The following ACOT7 variants were observed in gnomAD, a reference collection of about 807,000 sequenced individuals.
ACOT7 encodes the protein cytosolic acyl coenzyme A thioester hydrolase.
In ACOT7, 12 loss-of-function variants were observed where a neutral mutation model predicts 40.2. The ratio of observed to expected loss-of-function variants is 0.30; its 90% CI spans 0.19 to 0.48. The LOEUF (loss-of-function observed/expected upper bound fraction) is 0.48, where lower values mean the gene tolerates loss of function less well. Among genes scored for constraint, ACOT7 ranks in the 20% least tolerant of loss-of-function variants. The pLI is 0.99. For missense variants in ACOT7, 395 were observed against 530.8 expected (o/e 0.74, Z 2.51); for synonymous variants, 228 against 219.5 (o/e 1.04, Z -0.34).
Position 6,329,373 on chromosome 1 carries a change from A to G in ACOT7, c.511-1960T>C, listed in dbSNP as rs183247508. On this transcript the variant is annotated intron_variant, in intron 4 of 8. Transcript: ENST00000361521. ...CAACCTTTTCCTCCATAAATAAACC[A>G]CGTCCTAATGTTCCACCGGCCAAGT... Among the ~76,000 whole-genome samples the G allele has an allele frequency of 1.6e-3, 251 of 152,212 alleles. 1 individual carries two copies. The highest frequency in any genetic ancestry group is 5.6e-3 in the African/African-American group (231 of 41,538).
intron 1 of ACOT7, among the ~76,000 whole-genome samples, chr1:6,375,526 C>T (rs1343757587): frequency 2.0e-5 from 3 of 151,984 alleles, no homozygotes; most frequent in African/African-American, 4.8e-5. Flanking sequence ...TGGCACATGC[C>T]TGCAATCCCT....
rs527857459 is a variant in ACOT7, at chr1:6,331,620, C to T, written c.510+1857G>A. 2.0e-4 allele frequency among the ~76,000 whole-genome samples: 31 copies of T among 152,358 alleles called. No individual in the cohort carries two copies. The South Asian group carries it at 3.7e-3, about 18-fold the overall frequency. Reference sequence around the variant, plus strand: ...ATATGAGACCTCGGACTCCACACCCCGACCCTGAGCCCCCGCCCACTGGCC... The same window carrying T: ...ATATGAGACCTCGGACTCCACACCCTGACCCTGAGCCCCCGCCCACTGGCC... On this transcript the variant is annotated intron_variant, in intron 4 of 8. Transcript: ENST00000361521.
chr1:6,308,023 C>T (rs1215801327), intron 6 of ACOT7, among the ~76,000 whole-genome samples: 2 of 149,568 alleles, frequency 1.3e-5, no homozygotes, highest in African/African-American at 5.0e-5. Flanking sequence ...GAACTACAAC[C>T]AGGCAGAGGG....
At chr1:6,317,141 CAAG>C (rs1169875418) in intron 6 of ACOT7, among the ~76,000 whole-genome samples, 1 of 152,164 alleles carries the variant, frequency 6.6e-6, no homozygotes, top group Non-Finnish European at 1.5e-5. Flanking sequence ...CTCAGTACAC[CAAG>C]AACAGCTGCA....
intron 5 of ACOT7, among the ~76,000 whole-genome samples, chr1:6,320,994 G>A (rs1640629916): frequency 1.3e-5 from 2 of 152,204 alleles, no homozygotes; most frequent in East Asian, 3.9e-4. Context: ...CACTCATTCA[G>A]GAAAGGAAAG....
chr1:6,335,327 C>CAAAAAAA (rs58439931), intron 3 of ACOT7, among the ~76,000 whole-genome samples: 1 of 58,348 alleles, frequency 1.7e-5, no homozygotes, highest in East Asian at 5.1e-4. Flanking sequence ...AACTCTGCCT[C>CAAAAAAA]AAAAAAAAAA....
intron 1 of ACOT7, among the ~76,000 whole-genome samples, chr1:6,390,423 T>G (rs1642514469): frequency 6.7e-6 from 1 of 149,534 alleles, no homozygotes; most frequent in Non-Finnish European, 1.5e-5. Flanking sequence ...AATACAAAAA[T>G]TAGCTGGGCA....
intron 6 of ACOT7, among the ~76,000 whole-genome samples, chr1:6,317,645 G>C (rs1388874679): frequency 1.3e-5 from 2 of 152,148 alleles, no homozygotes; most frequent in African/African-American, 4.8e-5. Flanking sequence ...ATCAGATCCC[G>C]GGGCTGCATG....
intron 5 of ACOT7, among the ~76,000 whole-genome samples, chr1:6,326,298 T>C (rs1167525642): frequency 6.6e-6 from 1 of 152,192 alleles, no homozygotes; most frequent in Non-Finnish European, 1.5e-5. Flanking sequence ...GGGGGACAGA[T>C]GCTCCCCAGG....
Position 6,330,452 on chromosome 1 carries a change from A to G in ACOT7, c.510+3025T>C, listed in dbSNP as rs1640924732. ...AAGATGGTGCAAAGAGCTCTGAACA[A>G]CAGCTGCAGCTGAGAACCGTGCAGC... On this transcript the variant is annotated intron_variant, in intron 4 of 8. Transcript: ENST00000361521. This position sits in a 1 kb window ranked among gnomAD's most constrained non-coding sequence, Gnocchi z 4.6. Among the ~76,000 whole-genome samples the G allele has an allele frequency of 1.3e-5, 2 of 152,178 alleles. No individual in the cohort carries two copies. Among genetic ancestry groups the G allele is most frequent in the African/African-American group, 4.8e-5 (2 of 41,448 alleles).
chr1:6,349,035 G>A (rs1641513825), intron 2 of ACOT7, among the ~76,000 whole-genome samples: 1 of 152,200 alleles, frequency 6.6e-6, no homozygotes, highest in Non-Finnish European at 1.5e-5. Context: ...GCGGCACCAA[G>A]GCAGACGCCC....
intron 1 of ACOT7, among the ~76,000 whole-genome samples, chr1:6,379,358 G>C (rs1457914566): frequency 1.3e-5 from 2 of 151,918 alleles, no homozygotes; most frequent in African/African-American, 2.4e-5. Flanking sequence ...CTATAAAGAG[G>C]TGTGTCCACA....
In ACOT7 at chr1:6,358,930, G is replaced by A. The variant is rs561862868; in HGVS notation, c.144-9064C>T. On this transcript the variant is annotated intron_variant, in intron 1 of 8. Transcript: ENST00000361521. This position sits in a 1 kb window ranked among gnomAD's most constrained non-coding sequence, Gnocchi z 4.1. ...CAGAGTCCTTGCCTGACCCAGGACTGTCCCAGCTCCCTGCCACACCGGGCT... is the reference window on the plus strand; with the variant it reads ...CAGAGTCCTTGCCTGACCCAGGACTATCCCAGCTCCCTGCCACACCGGGCT... The A allele has an allele frequency of 1.3e-6, 2 of 1,563,908 alleles. No homozygotes were observed. The highest frequency in any genetic ancestry group is 1.7e-4 in the Middle Eastern group (1 of 5,948).
chr1:6,306,295 G>A lies in ACOT7; in HGVS notation c.713-11315C>T. 1 of 985,272 alleles carries A rather than the reference G, an allele frequency of 1.0e-6. No individual in the cohort carries two copies. The highest frequency in any genetic ancestry group is 1.2e-6 in the Non-Finnish European group (1 of 829,918). 61.0% of individuals were successfully genotyped at this position (985,272 alleles called of 1,614,324 possible). The stretch of plus-strand genomic sequence containing the variant: ...AAATACTCCATATTTCTGGAAAGGG[G>A]TCAGTGCCCCATGATTTGAGAGGGA... On this transcript the variant is annotated intron_variant, in intron 6 of 8. Transcript: ENST00000361521. The surrounding 1 kb of genome is among the most constrained non-coding windows in gnomAD (Gnocchi z 4.3).
rs1021232393 is a variant in ACOT7, at chr1:6,301,054, C to G, written c.713-6074G>C. ...GTGACATCGAGTCCAGAGTGGAATT[C>G]TTCCCAAGATGATTGCAGGAAGGAG... On this transcript the variant is annotated intron_variant, in intron 6 of 8. Coordinates refer to ENST00000361521, the MANE Select transcript of ACOT7 (RefSeq NM_007274.4). This position sits in a 1 kb window ranked among gnomAD's most constrained non-coding sequence, Gnocchi z 4.1. 6.6e-6 allele frequency among the ~76,000 whole-genome samples: 1 copy of G among 152,194 alleles called. No individual in the cohort carries two copies. The highest frequency in any genetic ancestry group is 1.5e-5 in the Non-Finnish European group (1 of 68,038).
Position 6,358,322 on chromosome 1 carries a change from C to CG in ACOT7, c.144-8457dup, listed in dbSNP as rs1641805416. Among the ~76,000 whole-genome samples the CG allele has an allele frequency of 6.6e-6, 1 of 152,054 alleles. No individual in the cohort carries two copies. Among genetic ancestry groups the CG allele is most frequent in the South Asian group, 2.1e-4 (1 of 4,828 alleles). Reference sequence around the variant, plus strand: ...AGCACTTGCAGGCCCCCAAGCAGGACGGGGGAAGAGGCCAACAATGGCCCT... The same window carrying CG: ...AGCACTTGCAGGCCCCCAAGCAGGACGGGGGGAAGAGGCCAACAATGGCCCT... On this transcript the variant is annotated intron_variant, in intron 1 of 8. Coordinates refer to ENST00000361521, the MANE Select transcript of ACOT7 (RefSeq NM_007274.4). The surrounding 1 kb of genome is among the most constrained non-coding windows in gnomAD (Gnocchi z 4.1).
chr1:6,331,787 G>A (rs1281915275), intron 4 of ACOT7, among the ~76,000 whole-genome samples: 5 of 152,212 alleles, frequency 3.3e-5, no homozygotes, highest in African/African-American at 7.2e-5. Context: ...AGCTGGACCC[G>A]GCAGCCAGCC....
rs1194347048 is a variant in ACOT7 at position 6,359,697 on chromosome 1, G to C, written c.144-9831C>G. On this transcript the variant is annotated intron_variant, in intron 1 of 8. Transcript: ENST00000361521. This position sits in a 1 kb window ranked among gnomAD's most constrained non-coding sequence, Gnocchi z 4.1. ...CAGGGTGCAGGCTACAGGAGGCCCA[G>C]TGCAGGAGGCGGGATGTGTTATCAC... Among the ~76,000 whole-genome samples the C allele has an allele frequency of 2.0e-5, 3 of 152,240 alleles. No individual in the cohort carries two copies. Among genetic ancestry groups the C allele is most frequent in the Admixed American group, 2.0e-4 (3 of 15,278 alleles).
At chr1:6,344,722 C>T (rs1370256294) in intron 2 of ACOT7, among the ~76,000 whole-genome samples, 8 of 144,108 alleles carry the variant, frequency 5.6e-5, no homozygotes, top group African/African-American at 1.8e-4. Context: ...TGAGACCGCA[C>T]CATTGCACCC....
Sources: allele counts gnomAD v4.1 joint callset (sites outside exome capture counted in the v4.1 genomes callset), GRCh38; gene constraint gnomAD v4.1.1; non-coding constraint Gnocchi (gnomAD v3.1); transcripts MANE v1.5; gene names NCBI Gene and HGNC (gene_info 2026-07-23, HGNC 2026-07-21).